KHDRBS2: variants seen among roughly 807,000 people sequenced by gnomAD.
KHDRBS2 encodes the protein KH RNA binding domain containing, signal transduction associated 2.
A neutral mutation model predicts 44.3 loss-of-function variants in KHDRBS2; 26 were observed. The ratio of observed to expected loss-of-function variants is 0.59; its 90% CI spans 0.43 to 0.81. The LOEUF (loss-of-function observed/expected upper bound fraction) is 0.81, where lower values mean the gene tolerates loss of function less well. Among genes scored for constraint, KHDRBS2 ranks in the 40% least tolerant of loss-of-function variants. The pLI, the probability that KHDRBS2 is intolerant of heterozygous loss-of-function variation, is 0.00. For synonymous variants in KHDRBS2, 194 were observed against 151.1 expected (o/e 1.28, Z -2.08); for missense variants, 476 against 433.1 (o/e 1.10, Z -0.88).
chr6:62,041,573 A>C (rs1786530731), intron 3 of KHDRBS2, among the ~76,000 whole-genome samples: 1 of 152,104 alleles, frequency 6.6e-6, no homozygotes, highest in Non-Finnish European at 1.5e-5. Flanking sequence ...TAGGGAAATA[A>C]GGGTACAGTA....
intron 4 of KHDRBS2, among the ~76,000 whole-genome samples, chr6:61,953,937 C>T (rs1226381761): frequency 6.6e-6 from 1 of 152,060 alleles, no homozygotes; most frequent in Non-Finnish European, 1.5e-5. Context: ...TTAAAGAAGA[C>T]CTATGACAAG....
At chr6:62,089,063 T>C (rs1798981277) in intron 2 of KHDRBS2, among the ~76,000 whole-genome samples, 1 of 151,960 alleles carries the variant, frequency 6.6e-6, no homozygotes, top group South Asian at 2.1e-4. Flanking sequence ...TGGTGGACTC[T>C]CCTCCCCTCA....
At chr6:61,659,372 G>A in the KHDRBS2 span, among the ~76,000 whole-genome samples, 17 of 151,678 alleles carry the variant, frequency 1.1e-4, no homozygotes, top group Non-Finnish European at 2.2e-4. Flanking sequence ...AGCTGGAGAG[G>A]CCTGCTGAAA....
chr6:61,571,208 T>C, the KHDRBS2 span, among the ~76,000 whole-genome samples: 2 of 151,938 alleles, frequency 1.3e-5, no homozygotes, highest in African/African-American at 4.8e-5. Context: ...CATAAACTTA[T>C]GGTAAAGGGG....
intron 2 of KHDRBS2, among the ~76,000 whole-genome samples, chr6:62,067,329 A>T (rs552509548): frequency 6.6e-6 from 1 of 151,674 alleles, no homozygotes; most frequent in South Asian, 2.1e-4. Flanking sequence ...GAAGTTTTTT[A>T]CACCAGTAAC....
intron 3 of KHDRBS2, among the ~76,000 whole-genome samples, chr6:62,036,711 T>C (rs1356586180): frequency 1.3e-5 from 2 of 152,030 alleles, no homozygotes; most frequent in Non-Finnish European, 2.9e-5. Context: ...TAAAATGACC[T>C]TCATGTTTAT....
chr6:61,570,673 G>T, the KHDRBS2 span, among the ~76,000 whole-genome samples: 1 of 152,134 alleles, frequency 6.6e-6, no homozygotes, highest in African/African-American at 2.4e-5. Context: ...TGAGACAAAA[G>T]TATCAGATAA....
the KHDRBS2 span, among the ~76,000 whole-genome samples, chr6:61,608,156 G>A: frequency 6.6e-6 from 1 of 152,002 alleles, no homozygotes; most frequent in African/African-American, 2.4e-5. Flanking sequence ...TTTTTATGAA[G>A]GACAATGAAG....
chr6:61,655,546 T>G, the KHDRBS2 span, among the ~76,000 whole-genome samples: 1 of 152,090 alleles, frequency 6.6e-6, no homozygotes, highest in Non-Finnish European at 1.5e-5. Context: ...TGAGCCAATG[T>G]GCTTTGCCTA....
At chr6:61,912,617 T>C (rs768708500) in intron 4 of KHDRBS2, among the ~76,000 whole-genome samples, 1 of 152,114 alleles carries the variant, frequency 6.6e-6, no homozygotes, top group Non-Finnish European at 1.5e-5. Flanking sequence ...TAGGTTCTCC[T>C]CTGAAGGGTG....
In KHDRBS2 at chr6:61,901,308, C is replaced by T; in HGVS notation, c.547G>A (p.Asp183Asn). The T allele has an allele frequency of 6.2e-7, 1 of 1,613,076 alleles. No homozygotes were observed. The highest frequency in any genetic ancestry group is 1.7e-5 in the Admixed American group (1 of 59,994). Reference sequence around the variant, plus strand: ...CTAATACCTCTGCCACGACCAGAGTCCTCTGAGCCATTTAAGTAAGATAAT... The same window carrying T: ...CTAATACCTCTGCCACGACCAGAGTTCTCTGAGCCATTTAAGTAAGATAAT... ...RELSYLNGSE[D>N]SGRGRGIRGR... is the part of the protein sequence containing the mutation. The change falls in exon 5 of 9, where the codon GAC becomes AAC. Residue 183 changes from aspartate (D) to asparagine (N), a missense_variant. Coordinates refer to ENST00000281156, the MANE Select transcript of KHDRBS2 (RefSeq NM_152688.4).
At chr6:62,225,227 G>A in intron 1 of KHDRBS2, among the ~76,000 whole-genome samples, 1 of 152,084 alleles carries the variant, frequency 6.6e-6, no homozygotes, top group East Asian at 1.9e-4. Context: ...CAATCCAGGA[G>A]GGTTCACTTA....
At chr6:61,852,680 G>A (rs1795623308) in intron 6 of KHDRBS2, among the ~76,000 whole-genome samples, 1 of 152,024 alleles carries the variant, frequency 6.6e-6, no homozygotes. Flanking sequence ...TTTATGGAAA[G>A]GATTTATAAG....
chr6:61,697,311 A>G (rs373515274), intron 7 of KHDRBS2, 58 bp from the exon 8 acceptor site: 2 of 1,101,730 alleles, frequency 1.8e-6, no homozygotes, highest in African/African-American at 3.1e-5. Context: ...CAACCCAGAA[A>G]CTCATATGGA....
chr6:62,164,468 T>C lies in KHDRBS2; in HGVS notation c.219+12717A>G, dbSNP rs189363172. Among the ~76,000 whole-genome samples the C allele has an allele frequency of 2.3e-3, 355 of 151,950 alleles. 1 individual carries two copies. The highest frequency in any genetic ancestry group is 7.8e-3 in the African/African-American group (323 of 41,518). On this transcript the variant is annotated intron_variant, in intron 2 of 8. Transcript: ENST00000281156. Reference sequence around the variant, plus strand: ...AACTATTTTTAAAATGTCTTTATCATTAGGAAAGTAACATTAATAATAACT... The same window carrying C: ...AACTATTTTTAAAATGTCTTTATCACTAGGAAAGTAACATTAATAATAACT...
intron 6 of KHDRBS2, among the ~76,000 whole-genome samples, chr6:61,788,895 CAA>C (rs1175809928): frequency 1.3e-5 from 2 of 150,564 alleles, no homozygotes; most frequent in African/African-American, 2.4e-5. Context: ...ATATTTAACC[CAA>C]GATACATATA....
At chr6:62,030,124 A>G (rs146575446) in intron 3 of KHDRBS2, among the ~76,000 whole-genome samples, 2 of 152,160 alleles carry the variant, frequency 1.3e-5, no homozygotes, top group African/African-American at 4.8e-5. Context: ...AAAATGTCAG[A>G]GATGAGAAAT....
intron 2 of KHDRBS2, among the ~76,000 whole-genome samples, chr6:62,169,034 C>CATAT (rs369570219): frequency 0.013 from 913 of 72,566 alleles, 26 homozygotes; most frequent in African/African-American, 0.025. Flanking sequence ...GTTCTCCAGT[C>CATAT]ATATATATAT....
intron 3 of KHDRBS2, among the ~76,000 whole-genome samples, chr6:62,016,480 A>G (rs1004045422): frequency 6.6e-6 from 1 of 150,640 alleles, no homozygotes; most frequent in African/African-American, 2.4e-5. Context: ...ACACATATGT[A>G]TATATATATA....
Sources: gnomAD v4.1 joint callset for allele counts (sites outside exome capture counted in the v4.1 genomes callset) on GRCh38, gnomAD v4.1.1 for gene constraint, MANE v1.5 for transcripts, NCBI Gene and HGNC (gene_info 2026-07-23, HGNC 2026-07-21) for gene names.